The following CDCP2 variants were observed in gnomAD, a reference collection of about 807,000 sequenced individuals.
CDCP2 encodes CUB domain containing protein 2, also known as CUB domain-containing protein 2.
CDCP2 carries 31 observed loss-of-function variants against 31.0 expected under a neutral mutation model. The ratio of observed to expected loss-of-function variants is 1.00; its 90% CI spans 0.75 to 1.35. The LOEUF (loss-of-function observed/expected upper bound fraction) is 1.35, where lower values mean the gene tolerates loss of function less well. Among genes scored for constraint, CDCP2 ranks in the 40% most tolerant of loss-of-function variants. CDCP2 has a pLI of 0.00. For synonymous variants in CDCP2, 206 were observed against 207.9 expected (o/e 0.99, Z 0.08); for missense variants, 443 against 482.6 (o/e 0.92, Z 0.77).
At chr1:54,140,158 G>C in intron 3 of CDCP2, 52 bp from the exon 4 acceptor site, 127 of 1,509,294 alleles carry the variant, frequency 8.4e-5, no homozygotes, top group Non-Finnish European at 1.1e-4. Context: ...GAGAGGAGAA[G>C]TCACTCTCTG....
At chr1:54,143,605 T>G (rs1035255867) in intron 2 of CDCP2, 1 of 152,188 alleles carries the variant, frequency 6.6e-6, no homozygotes, top group Admixed American at 6.5e-5. Context: ...GGTTCTTGTG[T>G]TGTGGCATTC....
intron 1 of CDCP2, among the ~76,000 whole-genome samples, chr1:54,148,970 A>AT (rs1553174429): frequency 8.2e-6 from 1 of 122,056 alleles, no homozygotes; most frequent in Non-Finnish European, 1.8e-5. Context: ...TTGTTTAAAA[A>AT]AAAAATATAT....
At chr1:54,139,842 G>C (rs1659330043) in exon 4 of CDCP2, 1 of 1,614,044 alleles carries the variant, frequency 6.2e-7, no homozygotes, top group Non-Finnish European at 8.5e-7. Flanking sequence ...TGAGGTCACG[G>C]GTGGTGGCAG....
intron 5 of CDCP2, among the ~76,000 whole-genome samples, chr1:54,133,895 C>A (rs1480406376): frequency 2.4e-4 from 5 of 20,890 alleles, no homozygotes; most frequent in East Asian, 4.3e-3. Context: ...GACTCCATCT[C>A]AAAAACAAAC....
At chr1:54,150,439 A>G (rs1468258570) in intron 1 of CDCP2, among the ~76,000 whole-genome samples, 1 of 152,106 alleles carries the variant, frequency 6.6e-6, no homozygotes, top group Non-Finnish European at 1.5e-5. Context: ...TACTAAAAAT[A>G]CAAAAATTGG....
chr1:54,146,451 A>G (rs1659472972), intron 1 of CDCP2, among the ~76,000 whole-genome samples: 1 of 151,878 alleles, frequency 6.6e-6, no homozygotes, highest in Non-Finnish European at 1.5e-5. Context: ...AAGTGCTGGG[A>G]TTATAGGCAT....
intron 1 of CDCP2, among the ~76,000 whole-genome samples, chr1:54,152,163 T>A (rs1218324637): frequency 6.6e-6 from 1 of 152,024 alleles, no homozygotes; most frequent in Non-Finnish European, 1.5e-5. Context: ...GGGAGGAGAA[T>A]AAAGACTCTT....
At chr1:54,132,903 C>A, downstream of CDCP2, 1 of 398,080 alleles carries the variant, frequency 2.5e-6, no homozygotes, top group Middle Eastern at 6.3e-4. Flanking sequence ...CCCCGTCCCA[C>A]CCCTGTTATG....
At chr1:54,137,343 A>C (rs1659275329) in intron 4 of CDCP2, among the ~76,000 whole-genome samples, 1 of 152,154 alleles carries the variant, frequency 6.6e-6, no homozygotes, top group African/African-American at 2.4e-5. Flanking sequence ...CCCCAAAGGA[A>C]AATCTAGCAA....
At chr1:54,141,507 A>T (rs3766461) in intron 2 of CDCP2, 74 bp from the exon 3 acceptor site, 15,294 of 1,297,088 alleles carry the variant, frequency 0.012, 466 homozygotes, top group East Asian at 0.11. Flanking sequence ...GGAACAAGAC[A>T]CTCCAACATG....
At chr1:54,152,817 G>A in intron 1 of CDCP2, 27 bp downstream of exon 1, 1 of 1,608,614 alleles carries the variant, frequency 6.2e-7, no homozygotes, top group Non-Finnish European at 8.5e-7. Flanking sequence ...TCCCCTCTCA[G>A]TTCATGTCTG....
intron 1 of CDCP2, among the ~76,000 whole-genome samples, chr1:54,147,397 C>T (rs1034445006): frequency 7.2e-5 from 11 of 151,732 alleles, no homozygotes. Context: ...TGAGGGAAAA[C>T]TTATTGTCGG....
intron 2 of CDCP2, chr1:54,142,718 G>A (rs546725553): frequency 6.6e-6 from 1 of 152,310 alleles, no homozygotes; most frequent in Admixed American, 6.5e-5. Context: ...GCCCTCTCAG[G>A]GACTCAGATT....
At chr1:54,146,203 G>A (rs1659466848) in intron 1 of CDCP2, among the ~76,000 whole-genome samples, 1 of 146,286 alleles carries the variant, frequency 6.8e-6, no homozygotes, top group Non-Finnish European at 1.5e-5. Context: ...TTTTTTACGT[G>A]GAGTCTGGCT....
At chr1:54,137,104 T>A (rs1659271227) in intron 4 of CDCP2, among the ~76,000 whole-genome samples, 1 of 152,220 alleles carries the variant, frequency 6.6e-6, no homozygotes. Context: ...AATGAATGAA[T>A]GTTCTTAATA....
intron 2 of CDCP2, among the ~76,000 whole-genome samples, chr1:54,143,201 T>C (rs1266107430): frequency 6.6e-6 from 1 of 151,720 alleles, no homozygotes; most frequent in Non-Finnish European, 1.5e-5. Flanking sequence ...CCAAGCATGG[T>C]GGGTGGCGCG....
At chr1:54,135,479 G>A (rs1022260344) in intron 5 of CDCP2, among the ~76,000 whole-genome samples, 1 of 152,140 alleles carries the variant, frequency 6.6e-6, no homozygotes, top group African/African-American at 2.4e-5. Context: ...CCAAGATACT[G>A]ACCCCAAGAT....
Position 54,139,646 on chromosome 1 carries a change from G to GGC in CDCP2, c.1117+106_1117+107insGC, listed in dbSNP as rs1553173736. The GGC allele has an allele frequency of 3.2e-5, 51 of 1,581,558 alleles. No homozygotes were observed. In the East Asian group the frequency reaches 5.1e-4, roughly 16 times the overall value. ...GAAGGAGCTGGAGAAGACCATTCAT[G>GGC]GGGGGGGCAGGACAAACTGGTGGGA... On this transcript the variant is annotated intron_variant, in intron 4 of 5. Transcript: ENST00000530059.
chr1:54,137,222 C>T (rs1399475345), intron 4 of CDCP2, among the ~76,000 whole-genome samples: 4 of 152,106 alleles, frequency 2.6e-5, no homozygotes, highest in Non-Finnish European at 4.4e-5. Context: ...TTCTCAGCAC[C>T]ACAAATACAA....
Sources: allele counts gnomAD v4.1 joint callset (sites outside exome capture counted in the v4.1 genomes callset), GRCh38; gene constraint gnomAD v4.1.1; transcripts MANE v1.5; gene names NCBI Gene and HGNC (gene_info 2026-07-23, HGNC 2026-07-21).